Variants in DGKB observed in about 807,000 individuals in gnomAD.
DGKB encodes diacylglycerol kinase beta.
In DGKB, 67 loss-of-function variants were observed where a neutral mutation model predicts 114.3. That is an observed-to-expected ratio of 0.59 (90% CI 0.48 to 0.72). The LOEUF is 0.72. Ranked by LOEUF, DGKB falls within the 30% of genes least tolerant of loss-of-function variation. DGKB has a pLI of 0.00. For synonymous variants in DGKB, 398 were observed against 323.1 expected, an observed-to-expected ratio of 1.23 and a Z score of -2.49; for missense variants, 907 against 975.2, an observed-to-expected ratio of 0.93 and a Z score of 0.93.
chr7:14,824,679 G>A (rs778855003), intron 2 of DGKB, among the ~76,000 whole-genome samples: 110 of 151,938 alleles, frequency 7.2e-4, no homozygotes, highest in Non-Finnish European at 1.1e-3. Flanking sequence ...TGTGATCCAA[G>A]GTGAGTTACA....
At chr7:14,342,534 A>G (rs1811777081) in intron 22 of DGKB, among the ~76,000 whole-genome samples, 1 of 151,930 alleles carries the variant, frequency 6.6e-6, no homozygotes, top group Admixed American at 6.6e-5. Context: ...AAAAAATTCT[A>G]CTTCGTGTAT....
chr7:14,793,473 T>G (rs1840977503), intron 2 of DGKB, among the ~76,000 whole-genome samples: 2 of 152,130 alleles, frequency 1.3e-5, no homozygotes, highest in African/African-American at 4.8e-5. Flanking sequence ...TGCTTTGTAT[T>G]CTATGCCTAG....
chr7:14,248,596 T>C (rs1192187461), intron 23 of DGKB, among the ~76,000 whole-genome samples: 1 of 152,124 alleles, frequency 6.6e-6, no homozygotes, highest in East Asian at 1.9e-4. Flanking sequence ...AAATATTTTA[T>C]TTTTTGATGC....
chr7:14,292,067 T>C (rs1210990900), intron 23 of DGKB, among the ~76,000 whole-genome samples: 3 of 152,160 alleles, frequency 2.0e-5, no homozygotes, highest in Non-Finnish European at 4.4e-5. Context: ...AGCACTGGTA[T>C]GGAAAGCAGC....
rs1782032124 is a variant in DGKB, at chr7:14,177,952, A to G, written c.2243+79T>C. 2.2e-6 allele frequency: 3 copies of G among 1,394,950 alleles called. No individual in the cohort carries two copies. In the African/African-American group the frequency reaches 4.4e-5, roughly 21 times the overall value. 86.4% of individuals were successfully genotyped at this position (1,394,950 alleles called of 1,614,324 possible). A position where few individuals can be genotyped will look rare whatever the true frequency, so the allele number is the denominator to read the frequency against. ...GGAGCCCAAAGAAGACAATGTTACT[A>G]TCAGAGTTCTGCATACTTTTAATTA... On this transcript the variant is annotated intron_variant, in intron 24 of 25. Coordinates refer to ENST00000402815, the MANE Select transcript of DGKB (RefSeq NM_001350709.2).
chr7:14,592,727 T>C (rs1362857619), intron 17 of DGKB, among the ~76,000 whole-genome samples: 6 of 151,884 alleles, frequency 4.0e-5, no homozygotes, highest in Non-Finnish European at 8.8e-5. Context: ...CACTCTATTA[T>C]ATATATTACA....
chr7:14,879,075 A>G (rs907287056), intron 1 of DGKB, among the ~76,000 whole-genome samples: 1 of 151,974 alleles, frequency 6.6e-6, no homozygotes, highest in Non-Finnish European at 1.5e-5. Context: ...GTTACTAGAC[A>G]GAGGAAAATG....
At chr7:14,224,369 T>C (rs540288036) in intron 23 of DGKB, among the ~76,000 whole-genome samples, 3 of 152,178 alleles carry the variant, frequency 2.0e-5, no homozygotes, top group East Asian at 1.9e-4. Context: ...AATGTATTGA[T>C]AGCATTTATT....
intron 8 of DGKB, 29 bp from the exon 9 acceptor site, chr7:14,694,223 G>C (rs888713569): frequency 6.5e-7 from 1 of 1,544,468 alleles, no homozygotes; most frequent in Admixed American, 2.0e-5. Context: ...GGGAAAATTG[G>C]TGGTCAACCA....
chr7:14,567,022 C>T (rs1797490355), intron 20 of DGKB, among the ~76,000 whole-genome samples: 2 of 140,688 alleles, frequency 1.4e-5, no homozygotes, highest in South Asian at 4.3e-4. Context: ...TTAAAAATAT[C>T]TCCTTGCATC....
intron 21 of DGKB, among the ~76,000 whole-genome samples, chr7:14,393,100 C>T (rs987812817): frequency 6.6e-6 from 1 of 151,294 alleles, no homozygotes; most frequent in African/African-American, 2.4e-5. Context: ...CGCCATTCTC[C>T]TGCCTCAGCC....
At chr7:14,491,318 C>A (rs976164784) in intron 20 of DGKB, among the ~76,000 whole-genome samples, 1 of 152,064 alleles carries the variant, frequency 6.6e-6, no homozygotes, top group African/African-American at 2.4e-5. Context: ...CTCATATTCT[C>A]TCTCTTGTCT....
intron 8 of DGKB, among the ~76,000 whole-genome samples, chr7:14,697,831 A>AGAAG (rs767239271): frequency 1.4e-5 from 2 of 148,022 alleles, no homozygotes; most frequent in Admixed American, 6.7e-5. Context: ...GGAGAGAGAG[A>AGAAG]GAAGGAAGGA....
At chr7:14,258,468 C>G (rs1447378796) in intron 23 of DGKB, among the ~76,000 whole-genome samples, 1 of 152,126 alleles carries the variant, frequency 6.6e-6, no homozygotes, top group East Asian at 1.9e-4. Context: ...AATTTATAAA[C>G]AGCTGAAATT....
chr7:14,289,702 T>C lies in DGKB; in HGVS notation c.2122+48813A>G, dbSNP rs539690416. Reference sequence around the variant, plus strand: ...AAGTCCCTTTCTTTACTTATCACTATTGTTTTAAAATAAATAAGGCAAACA... The same window carrying C: ...AAGTCCCTTTCTTTACTTATCACTACTGTTTTAAAATAAATAAGGCAAACA... On this transcript the variant is annotated intron_variant, in intron 23 of 25. Coordinates refer to ENST00000402815, the MANE Select transcript of DGKB (RefSeq NM_001350709.2). 6.0e-5 allele frequency among the ~76,000 whole-genome samples: 9 copies of C among 150,656 alleles called. No homozygotes were observed. The East Asian group carries it at 1.8e-3, about 29-fold the overall frequency.
chr7:14,852,303 T>C (rs953048288), intron 1 of DGKB, among the ~76,000 whole-genome samples: 5 of 151,682 alleles, frequency 3.3e-5, no homozygotes, highest in African/African-American at 1.2e-4. Context: ...TGTGTTTGTG[T>C]GTGTGTGTTT....
intron 1 of DGKB, among the ~76,000 whole-genome samples, chr7:14,866,364 T>C (rs976084935): frequency 6.6e-6 from 1 of 152,156 alleles, no homozygotes; most frequent in Admixed American, 6.5e-5. Flanking sequence ...TATAGAGTAG[T>C]TTTATTGCCT....
chr7:14,728,863 C>G (rs900910521), intron 5 of DGKB, among the ~76,000 whole-genome samples: 1 of 151,862 alleles, frequency 6.6e-6, no homozygotes, highest in African/African-American at 2.4e-5. Context: ...CCACCACGCC[C>G]AGCTGATTTT....
At chr7:14,391,214 A>C (rs530609406) in intron 21 of DGKB, among the ~76,000 whole-genome samples, 1 of 152,220 alleles carries the variant, frequency 6.6e-6, no homozygotes, top group East Asian at 1.9e-4. Context: ...ATGGAAATGT[A>C]GAATTTTATC....
Sources: allele counts gnomAD v4.1 joint callset (sites outside exome capture counted in the v4.1 genomes callset), GRCh38; gene constraint gnomAD v4.1.1; transcripts MANE v1.5; gene names NCBI Gene and HGNC (gene_info 2026-07-23, HGNC 2026-07-21).